TOPBP1: variants seen among roughly 807,000 people sequenced by gnomAD.
The protein encoded by TOPBP1 is DNA topoisomerase II binding protein 1.
In TOPBP1, 28 loss-of-function variants were observed where a neutral mutation model predicts 167.7. The observed-to-expected ratio is 0.17, with a 90% CI of 0.12 to 0.23. The LOEUF is 0.23. Ranked by LOEUF, TOPBP1 falls within the 10% of genes least tolerant of loss-of-function variation. The pLI, the probability that TOPBP1 is intolerant of heterozygous loss-of-function variation, is 1.00. For synonymous variants in TOPBP1, 598 were observed against 611.4 expected (o/e 0.98, Z 0.32); for missense variants, 1,554 against 1,809.6 (o/e 0.86, Z 2.56).
rs1210777286 is a variant in TOPBP1, at chr3:133,618,208, G to T, written c.3592+5C>A. Reference sequence around the variant, plus strand: ...AAACAAATGCAAAGATTTCTTTCTTGTTACCCTGTTTAGCAATTTCTGAAT... The same window carrying T: ...AAACAAATGCAAAGATTTCTTTCTTTTTACCCTGTTTAGCAATTTCTGAAT... On this transcript the variant is annotated splice_donor_5th_base_variant and intron_variant, in intron 21 of 27. Coordinates refer to ENST00000260810, the MANE Select transcript of TOPBP1 (RefSeq NM_007027.4). 2 of 1,608,980 alleles carry T rather than the reference G, an allele frequency of 1.2e-6. No individual in the cohort carries two copies. The highest frequency in any genetic ancestry group is 4.5e-5 in the East Asian group (2 of 44,832).
chr3:133,614,172 T>C (rs776713547), intron 23 of TOPBP1, among the ~76,000 whole-genome samples: 3 of 152,178 alleles, frequency 2.0e-5, no homozygotes, highest in Non-Finnish European at 2.9e-5. Context: ...CAGCAACACC[T>C]TCTGAGCATT....
intron 12 of TOPBP1, among the ~76,000 whole-genome samples, chr3:133,640,977 G>A (rs944087142): frequency 1.3e-5 from 2 of 152,108 alleles, no homozygotes; most frequent in Non-Finnish European, 2.9e-5. Flanking sequence ...AGAAGTCTAC[G>A]ACTTGAGATT....
chr3:133,653,874 C>T (rs992297769), intron 6 of TOPBP1, among the ~76,000 whole-genome samples: 5 of 152,076 alleles, frequency 3.3e-5, no homozygotes, highest in Admixed American at 1.3e-4. Flanking sequence ...TCAGGTGATT[C>T]GCCTGCCTTG....
At position 133,655,231 on chromosome 3, in the gene TOPBP1, T is replaced by TA. The variant is rs1417956381; in HGVS notation, c.742+58dup. On this transcript the variant is annotated intron_variant, in intron 6 of 27. Transcript: ENST00000260810. ...AAATAAATAAATAAATAAATAAAAA[T>TA]AAAATATTAAATACTAGAGAAAATG... The TA allele has an allele frequency of 2.7e-6, 3 of 1,092,696 alleles. No homozygotes were observed. In the African/African-American group the frequency reaches 4.9e-5, roughly 18 times the overall value. The allele number at this position is 1,092,696 out of a possible 1,614,324, so 67.7% of individuals were successfully genotyped here.
intron 6 of TOPBP1, 99 bp from the exon 7 acceptor site, chr3:133,653,623 G>T: frequency 2.8e-6 from 3 of 1,063,928 alleles, no homozygotes; most frequent in Non-Finnish European, 3.8e-6. Context: ...ATTATAACAG[G>T]TTAATATTTT....
intron 23 of TOPBP1, 31 bp from the exon 24 acceptor site, chr3:133,612,583 T>C (rs370392948): frequency 8.3e-6 from 13 of 1,561,432 alleles, no homozygotes; most frequent in Non-Finnish European, 1.1e-5. Flanking sequence ...TTGTACTTTA[T>C]TGATTCCCAA....
chr3:133,613,461 C>A (rs1030598737), intron 23 of TOPBP1, among the ~76,000 whole-genome samples: 1 of 152,006 alleles, frequency 6.6e-6, no homozygotes, highest in South Asian at 2.1e-4. Flanking sequence ...TTTCAAGCAC[C>A]GAATATGGGT....
chr3:133,627,940 A>G (rs1022754870), intron 16 of TOPBP1, among the ~76,000 whole-genome samples: 13 of 152,182 alleles, frequency 8.5e-5, no homozygotes, highest in African/African-American at 3.1e-4. Context: ...GGGCTGCCAG[A>G]GTACTTAGTA....
intron 21 of TOPBP1, 144 bp downstream of exon 21, chr3:133,618,069 A>G (rs1018659732): frequency 3.8e-5 from 25 of 659,342 alleles, no homozygotes; most frequent in Admixed American, 5.9e-5. Context: ...TTCTGGCTCA[A>G]GTTTAAACCA....
In TOPBP1 at chr3:133,608,671, A is replaced by G. The variant is rs1273118534; in HGVS notation, c.4289T>C (p.Leu1430Ser). ...AAAAAGATGTGTGGCCTCTTTAAAT[A>G]AAGGTACAGAATGACCAGGTAGCAC... Reference protein sequence around the residue: ...AKVLPGHSVPLFKEATHLFSD... With the variant: ...AKVLPGHSVPSFKEATHLFSD... The change falls in exon 27 of 28, where the codon TTA (leucine) becomes TCA (serine). Residue 1430 changes from leucine (L) to serine (S), a missense_variant. By Grantham distance (145) the Leu-to-Ser change is moderately radical (BLOSUM62 -2). Coordinates refer to ENST00000260810, the MANE Select transcript of TOPBP1 (RefSeq NM_007027.4). The G allele has an allele frequency of 2.5e-6, 4 of 1,613,418 alleles. No homozygotes were observed. In the Admixed American group the frequency reaches 6.7e-5, roughly 27 times the overall value.
Position 133,661,068 on chromosome 3 carries a change from G to A in TOPBP1, c.60C>T (p.Ser20=). ...FVKFLKSSDN[S]KCFFKALESI... is the part of the protein sequence containing the mutation. ...CCTCGAGAGCTTTAAAAAAACATTT[G>A]GAATTGTCTGAAGACTTTAAAAACT... Residue 20 remains serine, a synonymous_variant, in exon 2 of 28, where the codon TCC becomes TCT. Coordinates refer to ENST00000260810, the MANE Select transcript of TOPBP1 (RefSeq NM_007027.4). 2 of 1,595,734 alleles carry A rather than the reference G, an allele frequency of 1.3e-6. No individual in the cohort carries two copies. Among genetic ancestry groups the A allele is most frequent in the East Asian group, 4.5e-5 (2 of 44,506 alleles).
intron 17 of TOPBP1, 121 bp from the exon 18 acceptor site, chr3:133,623,578 G>T: frequency 8.6e-7 from 1 of 1,156,744 alleles, no homozygotes; most frequent in Non-Finnish European, 1.1e-6. Context: ...TCACAAAACT[G>T]GTTTGAAAAG....
chr3:133,610,286 T>C (rs1046291932), intron 25 of TOPBP1, among the ~76,000 whole-genome samples: 1 of 152,216 alleles, frequency 6.6e-6, no homozygotes, highest in Admixed American at 6.5e-5. Flanking sequence ...AGAGTGCTAT[T>C]ATGTTTCAGA....
rs555269387 is a variant in TOPBP1 at position 133,636,006 on chromosome 3, A to C, written c.2520+1870T>G. ...ATAAGGGTTAAAGAACAATAAAAAAAAAACAGACTCAAAAGAATACATACT... is the reference window on the plus strand; with the variant it reads ...ATAAGGGTTAAAGAACAATAAAAAACAAACAGACTCAAAAGAATACATACT... On this transcript the variant is annotated intron_variant, in intron 14 of 27. Transcript: ENST00000260810. 3.9e-5 allele frequency among the ~76,000 whole-genome samples: 6 copies of C among 152,350 alleles called. No homozygotes were observed. In the South Asian group the frequency reaches 1.2e-3, roughly 32 times the overall value.
intron 12 of TOPBP1, 127 bp downstream of exon 12, chr3:133,643,073 G>A: frequency 1.2e-6 from 1 of 845,776 alleles, no homozygotes. Flanking sequence ...GAGTGGAGAA[G>A]GAACCACATA....
chr3:133,622,038 A>G (rs183768518), intron 19 of TOPBP1, among the ~76,000 whole-genome samples: 14 of 151,426 alleles, frequency 9.2e-5, no homozygotes, highest in Admixed American at 2.0e-4. Context: ...AGGAAGGGGG[A>G]CAGGAAGGAA....
chr3:133,649,279 A>G, intron 10 of TOPBP1, 104 bp downstream of exon 10: 1 of 1,400,538 alleles, frequency 7.1e-7, no homozygotes, highest in South Asian at 1.5e-5. Flanking sequence ...GAAAAAGGTT[A>G]ATTTAACTTA....
intron 14 of TOPBP1, among the ~76,000 whole-genome samples, chr3:133,629,359 A>G (rs1935384795): frequency 6.6e-6 from 1 of 152,182 alleles, no homozygotes; most frequent in Non-Finnish European, 1.5e-5. Flanking sequence ...TTGCAAGTAT[A>G]ATGATGCAAT....
chr3:133,629,673 AG>A (rs1935397844), intron 14 of TOPBP1, among the ~76,000 whole-genome samples: 2 of 152,340 alleles, frequency 1.3e-5, no homozygotes, highest in African/African-American at 4.8e-5. Flanking sequence ...CACAGTAATC[AG>A]ATTTTTCTTT....
Sources: gnomAD v4.1 joint callset for allele counts (sites outside exome capture counted in the v4.1 genomes callset) on GRCh38, gnomAD v4.1.1 for gene constraint, MANE v1.5 for transcripts, NCBI Gene and HGNC (gene_info 2026-07-23, HGNC 2026-07-21) for gene names.